The following TSHZ2 variants were observed in gnomAD, a reference collection of about 807,000 sequenced individuals.
The protein encoded by TSHZ2 is teashirt zinc finger homeobox 2.
Under a neutral mutation model 74.4 loss-of-function variants are expected in TSHZ2, and 21 were observed. The observed-to-expected ratio is 0.28, with a 90% CI of 0.20 to 0.41. The LOEUF is 0.41. TSHZ2 is among the 10% of genes least tolerant of loss of function. The pLI, the probability that TSHZ2 is intolerant of heterozygous loss-of-function variation, is 1.00. For missense variants in TSHZ2, 1,244 were observed against 1,293.5 expected (o/e 0.96, Z 0.59); for synonymous variants, 540 against 515.3 (o/e 1.05, Z -0.65).
chr20:53,342,065 A>G (rs1232996670), intron 2 of TSHZ2, among the ~76,000 whole-genome samples: 1 of 152,140 alleles, frequency 6.6e-6, no homozygotes, highest in Non-Finnish European at 1.5e-5. Context: ...GAGCCCCCAC[A>G]TGCCCCACAC....
Position 53,348,224 on chromosome 20 carries a change from A to G in TSHZ2, c.*8+91653A>G, listed in dbSNP as rs988276405. Among the ~76,000 whole-genome samples, 7 of 152,242 alleles carry G rather than the reference A, an allele frequency of 4.6e-5. 1 individual carries two copies. Among genetic ancestry groups the G allele is most frequent in the Non-Finnish European group, 8.8e-5 (6 of 68,046 alleles). ...AGTGTTCCTAGAAGCACTCTTTGCA[A>G]TAGCCAAAAGGTGTCCATATGCTCA... On this transcript the variant is annotated intron_variant, in intron 2 of 2. Transcript: ENST00000371497.
chr20:53,276,441 G>A (rs552541392), intron 2 of TSHZ2, among the ~76,000 whole-genome samples: 2 of 152,272 alleles, frequency 1.3e-5, no homozygotes, highest in African/African-American at 4.8e-5. Context: ...ATCCACTTTT[G>A]CTGGGGATCA....
At chr20:53,246,298 C>T (rs1568832184) in intron 1 of TSHZ2, among the ~76,000 whole-genome samples, 1 of 152,224 alleles carries the variant, frequency 6.6e-6, no homozygotes, top group East Asian at 1.9e-4. Context: ...CCACTTCTGC[C>T]TCCCAAAGTG....
At chr20:53,024,672 G>T (rs1443418535) in intron 1 of TSHZ2, among the ~76,000 whole-genome samples, 1 of 151,972 alleles carries the variant, frequency 6.6e-6, no homozygotes, top group Non-Finnish European at 1.5e-5. Flanking sequence ...ACAGGCCCCG[G>T]TGTGTGATGT....
intron 1 of TSHZ2, among the ~76,000 whole-genome samples, chr20:53,101,736 AG>A (rs1568759609): frequency 6.6e-6 from 1 of 152,206 alleles, no homozygotes; most frequent in Admixed American, 6.5e-5. Flanking sequence ...TGAGCTGAAA[AG>A]TTCATCATCA....
chr20:53,054,074 G>C (rs1331710876), intron 1 of TSHZ2, among the ~76,000 whole-genome samples: 1 of 152,230 alleles, frequency 6.6e-6, no homozygotes, highest in African/African-American at 2.4e-5. Context: ...AGACATCGAA[G>C]TCAGATCCGG....
At chr20:53,219,245 A>G (rs1989502088) in intron 1 of TSHZ2, among the ~76,000 whole-genome samples, 1 of 152,178 alleles carries the variant, frequency 6.6e-6, no homozygotes, top group African/African-American at 2.4e-5. Context: ...ATCCATTTCT[A>G]TGGCCCACCC....
chr20:53,446,266 T>C (rs906724895), intron 2 of TSHZ2, among the ~76,000 whole-genome samples: 4 of 151,910 alleles, frequency 2.6e-5, no homozygotes, highest in Admixed American at 1.3e-4. Flanking sequence ...AGGAAGTGAA[T>C]AGAAGGTCAG....
At position 53,437,548 on chromosome 20, in the gene TSHZ2, C is replaced by T. The variant is rs532954042; in HGVS notation, c.*9-49596C>T. On this transcript the variant is annotated intron_variant, in intron 2 of 2. Transcript: ENST00000371497. ...TTTAAGCACAGAGGGATTTTACTGG[C>T]TCCTGGGAAGGTCAAGGGTGCAACA... is the stretch of plus-strand genomic sequence containing the variant. Among the ~76,000 whole-genome samples the T allele has an allele frequency of 1.2e-4, 19 of 152,290 alleles. No individual in the cohort carries two copies. The South Asian group carries it at 3.7e-3, about 30-fold the overall frequency.
At chr20:53,293,387 C>T (rs113865421) in intron 2 of TSHZ2, among the ~76,000 whole-genome samples, 8,725 of 151,820 alleles carry the variant, frequency 0.057, 825 homozygotes, top group African/African-American at 0.2. Flanking sequence ...TGCTTGAACA[C>T]AGGAGGCAGA....
At chr20:53,440,588 A>G (rs903013705) in intron 2 of TSHZ2, among the ~76,000 whole-genome samples, 6 of 152,186 alleles carry the variant, frequency 3.9e-5, no homozygotes, top group African/African-American at 1.4e-4. Flanking sequence ...GACAGGCCAC[A>G]TTCCTGATCT....
chr20:53,277,889 C>A (rs144143243), intron 2 of TSHZ2, among the ~76,000 whole-genome samples: 2 of 152,314 alleles, frequency 1.3e-5, no homozygotes, highest in African/African-American at 4.8e-5. Context: ...GTTTTGATGT[C>A]ATTGTTGCTT....
At chr20:53,333,008 A>G (rs1979788722) in intron 2 of TSHZ2, among the ~76,000 whole-genome samples, 1 of 152,084 alleles carries the variant, frequency 6.6e-6, no homozygotes, top group African/African-American at 2.4e-5. Flanking sequence ...TCTCTCCCAG[A>G]TCTTCCTGGG....
chr20:53,403,456 C>T (rs1354441531), intron 2 of TSHZ2, among the ~76,000 whole-genome samples: 1 of 152,062 alleles, frequency 6.6e-6, no homozygotes, highest in Non-Finnish European at 1.5e-5. Flanking sequence ...ATGTAGATAC[C>T]CTGGAATCCA....
intron 1 of TSHZ2, among the ~76,000 whole-genome samples, chr20:53,102,589 T>A (rs1205076082): frequency 6.6e-6 from 1 of 152,100 alleles, no homozygotes; most frequent in African/African-American, 2.4e-5. Flanking sequence ...AAACAACCTT[T>A]GCAAAACTCA....
chr20:52,980,670 G>A (rs1307513517), intron 1 of TSHZ2, among the ~76,000 whole-genome samples: 1 of 152,180 alleles, frequency 6.6e-6, no homozygotes, highest in Non-Finnish European at 1.5e-5. Flanking sequence ...GATAAAAACA[G>A]AGTTGGCAGC....
intron 1 of TSHZ2, among the ~76,000 whole-genome samples, chr20:53,165,456 C>T (rs571488932): frequency 1.3e-5 from 2 of 152,268 alleles, no homozygotes; most frequent in African/African-American, 4.8e-5. Flanking sequence ...GTCGTGGTGG[C>T]GATTGAAAAT....
intron 2 of TSHZ2, among the ~76,000 whole-genome samples, chr20:53,420,101 C>T (rs1983414394): frequency 6.6e-6 from 1 of 152,228 alleles, no homozygotes; most frequent in Admixed American, 6.5e-5. Context: ...GTAAATGCTG[C>T]ACTCCTGGTG....
At chr20:52,976,615 A>T (rs772532097) in intron 1 of TSHZ2, among the ~76,000 whole-genome samples, 10 of 152,350 alleles carry the variant, frequency 6.6e-5, no homozygotes, top group African/African-American at 9.6e-5. Flanking sequence ...TTAAAAATTT[A>T]AAATTGTAGA....
Sources: allele counts gnomAD v4.1 joint callset (sites outside exome capture counted in the v4.1 genomes callset), GRCh38; gene constraint gnomAD v4.1.1; transcripts MANE v1.5; gene names NCBI Gene and HGNC (gene_info 2026-07-23, HGNC 2026-07-21).